SLC35D2: variants seen among roughly 807,000 people sequenced by gnomAD.
SLC35D2 encodes nucleotide sugar transporter SLC35D2.
A neutral mutation model predicts 41.8 loss-of-function variants in SLC35D2; 43 were observed. The observed-to-expected ratio is 1.03, with a 90% CI of 0.81 to 1.33. The LOEUF is 1.33. Ranked by LOEUF, SLC35D2 falls within the 40% of genes most tolerant of loss-of-function variation. The pLI is 0.00. For missense variants in SLC35D2, 380 were observed against 408.4 expected (o/e 0.93, Z 0.60); for synonymous variants, 150 against 163.9 (o/e 0.92, Z 0.65).
chr9:96,327,624 C>CT lies in SLC35D2; in HGVS notation c.753-3456dup, dbSNP rs772967356. Among the ~76,000 whole-genome samples the CT allele has an allele frequency of 8.0e-3, 1,146 of 142,982 alleles. 2 individuals carry two copies. The highest frequency in any genetic ancestry group is 0.013 in the Non-Finnish European group (821 of 65,118). 93.8% of individuals were successfully genotyped at this position (142,982 alleles called of 152,430 possible). A position where few individuals can be genotyped will look rare whatever the true frequency, so the allele number is the denominator to read the frequency against. ...GCACTTCTTTTTTCTTTTTCTTTTT[C>CT]TTTTTTTTTTTTTTAAAGATGGGGT... On this transcript the variant is annotated intron_variant, in intron 9 of 11. Transcript: ENST00000253270.
chr9:96,333,722 C>G (rs1173191094), intron 9 of SLC35D2, among the ~76,000 whole-genome samples: 1 of 152,100 alleles, frequency 6.6e-6, no homozygotes, highest in East Asian at 1.9e-4. Flanking sequence ...GACAGCTGAC[C>G]TCAGAGGGTC....
At chr9:96,343,186 G>A (rs564047150) in intron 8 of SLC35D2, among the ~76,000 whole-genome samples, 68 of 152,310 alleles carry the variant, frequency 4.5e-4, no homozygotes, top group African/African-American at 1.5e-3. Flanking sequence ...TATGGAGAAT[G>A]TCCACACGTC....
intron 3 of SLC35D2, among the ~76,000 whole-genome samples, chr9:96,362,334 C>T (rs1830310284): frequency 6.6e-6 from 1 of 152,024 alleles, no homozygotes; most frequent in Admixed American, 6.6e-5. Context: ...ATGGAGAAAC[C>T]CCATCTCTTC....
At chr9:96,365,162 T>C (rs2130992734) in intron 2 of SLC35D2, among the ~76,000 whole-genome samples, 1 of 151,010 alleles carries the variant, frequency 6.6e-6, no homozygotes, top group African/African-American at 2.4e-5. Context: ...CAGACCAGCC[T>C]AAGCAACATG....
Position 96,383,615 on chromosome 9 carries a change from G to C in SLC35D2, c.20C>G (p.Ala7Gly). Residue 7 changes from alanine to glycine, a missense_variant, in exon 1 of 12, where the codon GCC (alanine) becomes GGC (glycine). Ala to Gly is a moderately conservative substitution (Grantham distance 60, BLOSUM62 0). Coordinates refer to ENST00000253270, the MANE Select transcript of SLC35D2 (RefSeq NM_007001.3). Reference sequence around the variant, plus strand: ...CTCCCCGCCAGCGCCCTCGGCCTCGGCCTGGCCGCCGGCCGTCATCTCCTG... The same window carrying C: ...CTCCCCGCCAGCGCCCTCGGCCTCGCCCTGGCCGCCGGCCGTCATCTCCTG... MTAGGQ[A>G]EAEGAGGEPG... 8.4e-7 allele frequency: 1 copy of C among 1,184,866 alleles called. No homozygotes were observed. Among genetic ancestry groups the C allele is most frequent in the Non-Finnish European group, 1.0e-6 (1 of 962,084 alleles). 73.4% of individuals were successfully genotyped at this position (1,184,866 alleles called of 1,614,324 possible). A position where few individuals can be genotyped will look rare whatever the true frequency, so the allele number is the denominator to read the frequency against.
chr9:96,338,005 A>AG (rs373089900), intron 8 of SLC35D2, among the ~76,000 whole-genome samples: 23,600 of 103,366 alleles, frequency 0.23, 3,333 homozygotes, highest in East Asian at 0.47. Flanking sequence ...AAAAAAAAAA[A>AG]CTCAATTTCT....
intron 3 of SLC35D2, 33 bp from the exon 4 acceptor site, chr9:96,360,254 T>C (rs1830207365): frequency 2.0e-6 from 3 of 1,520,078 alleles, no homozygotes; most frequent in Non-Finnish European, 1.8e-6. Flanking sequence ...AAATATTTGG[T>C]TAGAACTCCA....
At chr9:96,354,654 G>A (rs1264164897) in intron 4 of SLC35D2, among the ~76,000 whole-genome samples, 1 of 146,508 alleles carries the variant, frequency 6.8e-6, no homozygotes, top group Non-Finnish European at 1.5e-5. Flanking sequence ...TATAATCCCA[G>A]TTATTTGGGA....
At chr9:96,313,483 C>G (rs10990390) in exon 12 of SLC35D2, among the ~76,000 whole-genome samples, 6 of 152,214 alleles carry the variant, frequency 3.9e-5, no homozygotes, top group African/African-American at 1.4e-4. Flanking sequence ...ATTACATAAA[C>G]TTCACTGATT....
intron 1 of SLC35D2, 65 bp downstream of exon 1, chr9:96,383,412 A>G: frequency 1.5e-6 from 2 of 1,368,010 alleles, no homozygotes; most frequent in Non-Finnish European, 2.0e-6. Flanking sequence ...GCGCCGCTGA[A>G]GCGCACGGAG....
At chr9:96,315,234 C>A (rs538599776) in intron 11 of SLC35D2, among the ~76,000 whole-genome samples, 1 of 152,266 alleles carries the variant, frequency 6.6e-6, no homozygotes, top group African/African-American at 2.4e-5. Context: ...ATCCTCCCAC[C>A]TCAGCCTCCT....
chr9:96,363,740 A>C (rs1830371841), intron 3 of SLC35D2, among the ~76,000 whole-genome samples: 1 of 152,236 alleles, frequency 6.6e-6, no homozygotes, highest in Non-Finnish European at 1.5e-5. Context: ...GCTCAAATCC[A>C]GCCCAGCTCT....
chr9:96,356,438 G>T (rs1250709566), intron 4 of SLC35D2, among the ~76,000 whole-genome samples: 4 of 135,938 alleles, frequency 2.9e-5, no homozygotes, highest in South Asian at 4.5e-4. Context: ...AAATTAATAA[G>T]GAAATGCAAG....
intron 10 of SLC35D2, 59 bp from the exon 11 acceptor site, chr9:96,322,139 A>T: frequency 3.7e-6 from 4 of 1,081,864 alleles, no homozygotes; most frequent in Non-Finnish European, 5.6e-6. Flanking sequence ...GGGAAAATAT[A>T]AATAGTAAAA....
Position 96,321,191 on chromosome 9 carries a change from G to A in SLC35D2, c.*51C>T, listed in dbSNP as rs768357748. 23 of 1,360,360 alleles carry A rather than the reference G, an allele frequency of 1.7e-5. No homozygotes were observed. The South Asian group carries it at 1.9e-4, about 11-fold the overall frequency. 84.3% of individuals were successfully genotyped at this position (1,360,360 alleles called of 1,614,324 possible). On this transcript the variant is annotated 3_prime_UTR_variant, in exon 12 of 12. Transcript: ENST00000253270. ...CTGGCTTCACATTCCTACTGGGAATGCCCCCCCAGCCCGCAGTCACAAGTC... is the reference window on the plus strand; with the variant it reads ...CTGGCTTCACATTCCTACTGGGAATACCCCCCCAGCCCGCAGTCACAAGTC...
chr9:96,316,528 A>G (rs1828057231), downstream of SLC35D2, among the ~76,000 whole-genome samples: 1 of 151,348 alleles, frequency 6.6e-6, no homozygotes, highest in Admixed American at 6.6e-5. Context: ...CTGGACCAAC[A>G]GCCTGGGGTG....
At chr9:96,354,347 C>T (rs1436137428) in intron 4 of SLC35D2, among the ~76,000 whole-genome samples, 1 of 152,164 alleles carries the variant, frequency 6.6e-6, no homozygotes, top group East Asian at 1.9e-4. Flanking sequence ...ACCTTCTATA[C>T]AGAAAATCCT....
chr9:96,364,188 A>G (rs1465377150), intron 3 of SLC35D2, among the ~76,000 whole-genome samples: 4 of 152,132 alleles, frequency 2.6e-5, no homozygotes, highest in Non-Finnish European at 1.5e-5. Flanking sequence ...AAAAAAAATT[A>G]GCTGGGAATG....
intron 7 of SLC35D2, 101 bp downstream of exon 7, chr9:96,345,198 T>A (rs1180260136): frequency 4.8e-6 from 3 of 630,242 alleles, no homozygotes; most frequent in Non-Finnish European, 8.3e-6. Flanking sequence ...TCATATTATA[T>A]AAATTAAATT....
Sources: gnomAD v4.1 joint callset for allele counts (sites outside exome capture counted in the v4.1 genomes callset) on GRCh38, gnomAD v4.1.1 for gene constraint, MANE v1.5 for transcripts, NCBI Gene and HGNC (gene_info 2026-07-23, HGNC 2026-07-21) for gene names.